CSMD1: variants seen among roughly 807,000 people sequenced by gnomAD.
The protein encoded by CSMD1 is CUB and sushi domain-containing protein 1.
A neutral mutation model predicts 417.5 loss-of-function variants in CSMD1; 213 were observed. The observed-to-expected ratio is 0.51, with a 90% CI of 0.46 to 0.57. CSMD1 has a LOEUF of 0.57. Among genes scored for constraint, CSMD1 ranks in the 20% least tolerant of loss-of-function variants. The pLI, the probability that CSMD1 is intolerant of heterozygous loss-of-function variation, is 0.00. For synonymous variants in CSMD1, 2,862 were observed against 1,736.8 expected (o/e 1.65, Z -16.11); for missense variants, 6,923 against 4,529.7 (o/e 1.53, Z -15.17).
chr8:3,272,564 C>T (rs1351848631), intron 26 of CSMD1, among the ~76,000 whole-genome samples: 1 of 137,440 alleles, frequency 7.3e-6, no homozygotes, highest in Admixed American at 7.4e-5. Flanking sequence ...TACCCATGAG[C>T]ATGGAATGTT....
intron 1 of CSMD1, among the ~76,000 whole-genome samples, chr8:4,824,049 T>C (rs577658247): frequency 3.3e-4 from 50 of 150,022 alleles, no homozygotes; most frequent in African/African-American, 1.2e-3. Context: ...CACCCACACA[T>C]GCACACATAC....
In CSMD1 at chr8:3,940,388, T is replaced by C. The variant is rs148678084; in HGVS notation, c.818+57515A>G. Among the ~76,000 whole-genome samples, 1,485 of 152,202 alleles carry C rather than the reference T, an allele frequency of 9.8e-3. 22 individuals are homozygous for C. The highest frequency in any genetic ancestry group is 0.033 in the African/African-American group (1,390 of 41,550). ...AAACAGTATGTTATTTTGAAAATTA[T>C]ATTGAAAATAATGACAAAAATGTTT... On this transcript the variant is annotated intron_variant, in intron 5 of 69. Coordinates refer to ENST00000635120, the MANE Select transcript of CSMD1 (RefSeq NM_033225.6).
intron 1 of CSMD1, among the ~76,000 whole-genome samples, chr8:4,986,453 T>C (rs954133846): frequency 5.9e-5 from 9 of 152,228 alleles, no homozygotes; most frequent in African/African-American, 2.2e-4. Context: ...TCAGTCATCT[T>C]GAAAATGACT....
rs115757075 is a variant in CSMD1, at chr8:3,718,391, A to C, written c.932-9900T>G. On this transcript the variant is annotated intron_variant, in intron 6 of 69. Transcript: ENST00000635120. ...AACTACATTATCAAATTTTATTTCT[A>C]CCCTTAAATCAGTCAGTGTCCTTTC... Among the ~76,000 whole-genome samples the C allele has an allele frequency of 2.7e-3, 413 of 152,206 alleles. 1 individual carries two copies. The highest frequency in any genetic ancestry group is 8.9e-3 in the African/African-American group (371 of 41,538).
At chr8:4,847,276 CAAA>C (rs1391556254) in intron 1 of CSMD1, among the ~76,000 whole-genome samples, 1 of 152,120 alleles carries the variant, frequency 6.6e-6, no homozygotes, top group Non-Finnish European at 1.5e-5. Context: ...TTTAGAATCT[CAAA>C]GAAGATTTTA....
At chr8:3,951,120 G>C (rs1027661057) in intron 5 of CSMD1, among the ~76,000 whole-genome samples, 5 of 152,146 alleles carry the variant, frequency 3.3e-5, no homozygotes, top group African/African-American at 1.2e-4. Context: ...TACATTTATA[G>C]GCAGGAGATG....
intron 7 of CSMD1, among the ~76,000 whole-genome samples, chr8:3,653,153 G>A (rs777253292): frequency 6.6e-6 from 1 of 151,614 alleles, no homozygotes; most frequent in Non-Finnish European, 1.5e-5. Context: ...ATTTTTTCAA[G>A]TTGCATATAT....
rs529353359 is a variant in CSMD1 at position 4,933,185 on chromosome 8, C to T, written c.85+61147G>A. ...TTTTCTTTCTTCCCCTTCCTTTCTT[C>T]CTTGCTCCCTCCCTCTCTTCTGTCT... is the stretch of plus-strand genomic sequence containing the variant. On this transcript the variant is annotated intron_variant, in intron 1 of 69. Transcript: ENST00000635120. 5.3e-4 allele frequency among the ~76,000 whole-genome samples: 80 copies of T among 151,824 alleles called. 2 individuals are homozygous for T. Among genetic ancestry groups the T allele is most frequent in the Non-Finnish European group, 7.7e-4 (52 of 67,940 alleles).
chr8:4,676,702 G>A (rs940621925), intron 1 of CSMD1, among the ~76,000 whole-genome samples: 1 of 151,840 alleles, frequency 6.6e-6, no homozygotes, highest in Non-Finnish European at 1.5e-5. Context: ...TCAATGTCAC[G>A]TCATAGTTTG....
At chr8:3,136,554 C>A (rs150630377) in intron 41 of CSMD1, among the ~76,000 whole-genome samples, 1 of 152,058 alleles carries the variant, frequency 6.6e-6, no homozygotes, top group Admixed American at 6.6e-5. Flanking sequence ...CATGAGCCAC[C>A]GTGACCGGCT....
At chr8:4,312,280 T>C (rs955076512) in intron 3 of CSMD1, among the ~76,000 whole-genome samples, 5 of 151,704 alleles carry the variant, frequency 3.3e-5, no homozygotes, top group African/African-American at 7.3e-5. Flanking sequence ...TTAGCATTGA[T>C]GTATACTCAT....
At chr8:4,853,600 G>C (rs1801612874) in intron 1 of CSMD1, among the ~76,000 whole-genome samples, 1 of 152,222 alleles carries the variant, frequency 6.6e-6, no homozygotes, top group South Asian at 2.1e-4. Flanking sequence ...TTTGAATAGG[G>C]CAGTGCCAAA....
intron 26 of CSMD1, among the ~76,000 whole-genome samples, chr8:3,256,634 C>T (rs1800676562): frequency 6.6e-6 from 1 of 152,202 alleles, no homozygotes; most frequent in African/African-American, 2.4e-5. Flanking sequence ...ATCCCACTTC[C>T]AACATGTGTG....
In CSMD1 at chr8:4,163,448, T is replaced by G. The variant is rs532507591; in HGVS notation, c.416-131349A>C. ...AATTTCTTTTTTCTTGTTTTTACGT[T>G]TGTATTTTAATGTGTGAGTTACTTT... On this transcript the variant is annotated intron_variant, in intron 3 of 69. Transcript: ENST00000635120. Among the ~76,000 whole-genome samples the G allele has an allele frequency of 5.3e-5, 8 of 152,346 alleles. No individual in the cohort carries two copies. The East Asian group carries it at 1.5e-3, about 29-fold the overall frequency.
chr8:3,815,198 T>C (rs1301885901), intron 5 of CSMD1, among the ~76,000 whole-genome samples: 1 of 152,214 alleles, frequency 6.6e-6, no homozygotes, highest in Middle Eastern at 3.2e-3. Context: ...CAACATAGTT[T>C]CTTTCTTTGC....
intron 1 of CSMD1, among the ~76,000 whole-genome samples, chr8:4,967,764 G>A (rs1036539873): frequency 2.6e-5 from 4 of 152,116 alleles, no homozygotes; most frequent in African/African-American, 9.7e-5. Flanking sequence ...CTTGTGTCAT[G>A]TGACTTACGT....
intron 3 of CSMD1, among the ~76,000 whole-genome samples, chr8:4,160,895 C>G (rs1797120066): frequency 2.6e-5 from 4 of 152,160 alleles, no homozygotes; most frequent in African/African-American, 9.7e-5. Context: ...TGCTGTTGTT[C>G]TCTGCTGAAC....
chr8:4,307,145 T>A (rs1342159970), intron 3 of CSMD1, among the ~76,000 whole-genome samples: 1 of 152,152 alleles, frequency 6.6e-6, no homozygotes, highest in Non-Finnish European at 1.5e-5. Flanking sequence ...TGAGTTCCCA[T>A]TTCTACTTCT....
chr8:4,136,934 T>C (rs767400319), intron 3 of CSMD1, among the ~76,000 whole-genome samples: 3 of 152,192 alleles, frequency 2.0e-5, no homozygotes, highest in Admixed American at 6.5e-5. Flanking sequence ...AAGTACTAGA[T>C]TAAAATATCA....
Sources: allele counts gnomAD v4.1 joint callset (sites outside exome capture counted in the v4.1 genomes callset), GRCh38; gene constraint gnomAD v4.1.1; transcripts MANE v1.5; gene names NCBI Gene and HGNC (gene_info 2026-07-23, HGNC 2026-07-21).